The following ATIC variants were observed in gnomAD, a reference collection of about 807,000 sequenced individuals.
The protein encoded by ATIC is 5-aminoimidazole-4-carboxamide ribonucleotide formyltransferase/IMP cyclohydrolase, also known as bifunctional purine biosynthesis protein ATIC.
In ATIC, 64 loss-of-function variants were observed where a neutral mutation model predicts 72.5. That is an observed-to-expected ratio of 0.88 (90% CI 0.72 to 1.09). ATIC has a LOEUF of 1.09. ATIC is among the 50% of genes least tolerant of loss of function. The pLI, the probability that ATIC is intolerant of heterozygous loss-of-function variation, is 0.00. For synonymous variants in ATIC, 281 were observed against 267.1 expected (o/e 1.05, Z -0.51); for missense variants, 787 against 732.4 (o/e 1.07, Z -0.86).
intron 1 of ATIC, 89 bp from the exon 2 acceptor site, chr2:215,312,409 G>A (rs894587960): frequency 3.7e-6 from 6 of 1,607,470 alleles, no homozygotes; most frequent in Non-Finnish European, 5.1e-6. Flanking sequence ...CTTGCGATTC[G>A]AGAATCTCCT....
In ATIC at chr2:215,321,239, G is replaced by T. The variant is rs114313573; in HGVS notation, c.290+1508G>T. On this transcript the variant is annotated intron_variant, in intron 4 of 15. Transcript: ENST00000236959. ...TATAAATAGAATCTAACAATATATG[G>T]TTTTTTTGTTCCTGGCTTCTTTCAC... is the stretch of plus-strand genomic sequence containing the variant. Among the ~76,000 whole-genome samples, 135 of 152,184 alleles carry T rather than the reference G, an allele frequency of 8.9e-4. 1 individual carries two copies. The highest frequency in any genetic ancestry group is 3.1e-3 in the African/African-American group (130 of 41,526).
chr2:215,324,184 A>C (rs994611039), intron 4 of ATIC, among the ~76,000 whole-genome samples: 1 of 152,352 alleles, frequency 6.6e-6, no homozygotes, highest in East Asian at 1.9e-4. Flanking sequence ...GGCATGAGCC[A>C]CTGCGCCTGG....
At position 215,318,239 on chromosome 2, in the gene ATIC, T is replaced by C; in HGVS notation, c.223+6T>C. ...GCATCCTGCAGTCCATGCTGGTAAG[T>C]GGTTGGTATCTTTAATGTAAAAACA... On this transcript the variant is annotated splice_donor_region_variant and intron_variant, in intron 3 of 15. Coordinates refer to ENST00000236959, the MANE Select transcript of ATIC (RefSeq NM_004044.7). 1 of 1,612,016 alleles carries C rather than the reference T, an allele frequency of 6.2e-7. No homozygotes were observed. The highest frequency in any genetic ancestry group is 8.5e-7 in the Non-Finnish European group (1 of 1,178,088).
chr2:215,327,679 G>A (rs1429465327), intron 7 of ATIC, among the ~76,000 whole-genome samples: 1 of 152,150 alleles, frequency 6.6e-6, no homozygotes, highest in Non-Finnish European at 1.5e-5. Flanking sequence ...GGAATCCCAA[G>A]CACTACCGGT....
chr2:215,362,105 A>C, the ATIC span: 1 of 1,551,586 alleles, frequency 6.4e-7, no homozygotes, highest in Non-Finnish European at 8.9e-7. Flanking sequence ...CATGAAGTCA[A>C]ATGGGGTTTA....
intron 12 of ATIC, among the ~76,000 whole-genome samples, chr2:215,342,606 A>C (rs1199328073): frequency 2.0e-5 from 3 of 152,086 alleles, no homozygotes; most frequent in Non-Finnish European, 2.9e-5. Flanking sequence ...GGCAACCACA[A>C]ATCTGTTTTT....
At chr2:215,345,319 C>G in intron 13 of ATIC, 2 of 235,078 alleles carry the variant, frequency 8.5e-6, no homozygotes, top group South Asian at 1.1e-4. Context: ...GACTGCTAGA[C>G]TAGGAGTTAA....
At position 215,333,296 on chromosome 2, in the gene ATIC, G is replaced by A. The variant is rs113644379; in HGVS notation, c.815-54G>A. Reference sequence around the variant, plus strand: ...AGAAAACTGTCTTGATTTAGGAGTTGACAGGTAGTAACTTTAGCTTTCTTT... The same window carrying A: ...AGAAAACTGTCTTGATTTAGGAGTTAACAGGTAGTAACTTTAGCTTTCTTT... On this transcript the variant is annotated intron_variant, in intron 8 of 15. Transcript: ENST00000236959. 2.0e-4 allele frequency: 299 copies of A among 1,473,624 alleles called. No individual in the cohort carries two copies. In the African/African-American group the frequency reaches 3.7e-3, roughly 18 times the overall value. 91.3% of individuals were successfully genotyped at this position (1,473,624 alleles called of 1,614,324 possible).
chr2:215,312,797 C>T (rs2052668486), intron 2 of ATIC, among the ~76,000 whole-genome samples, 173 bp downstream of exon 2: 1 of 152,168 alleles, frequency 6.6e-6, no homozygotes, highest in African/African-American at 2.4e-5. Context: ...AGAGATTTAG[C>T]AACTTTTAAG....
chr2:215,349,425 G>T, intron 15 of ATIC, 111 bp from the exon 16 acceptor site: 1 of 1,589,112 alleles, frequency 6.3e-7, no homozygotes, highest in Non-Finnish European at 8.6e-7. Context: ...TTGTTATTTT[G>T]CCTTTTTGAC....
chr2:215,327,383 CTGTT>C (rs1282748016), intron 7 of ATIC, among the ~76,000 whole-genome samples: 1 of 152,134 alleles, frequency 6.6e-6, no homozygotes, highest in Non-Finnish European at 1.5e-5. Flanking sequence ...AGAAAAGGGA[CTGTT>C]TGTTTTGCAC....
At chr2:215,326,226 C>A in intron 6 of ATIC, 88 bp downstream of exon 6, 1 of 1,477,380 alleles carries the variant, frequency 6.8e-7, no homozygotes. Context: ...TGGTAGATTG[C>A]ATTACCTACC....
chr2:215,342,011 T>C (rs529242486), intron 12 of ATIC, among the ~76,000 whole-genome samples: 5 of 151,410 alleles, frequency 3.3e-5, no homozygotes, highest in African/African-American at 9.8e-5. Context: ...TGCCAGACGC[T>C]TACTGTCAGA....
chr2:215,356,111 A>G, the ATIC span, among the ~76,000 whole-genome samples: 1 of 152,258 alleles, frequency 6.6e-6, no homozygotes, highest in African/African-American at 2.4e-5. Flanking sequence ...AGATGAGAAC[A>G]ATACTGACGT....
At chr2:215,359,109 C>T in the ATIC span, among the ~76,000 whole-genome samples, 2 of 152,114 alleles carry the variant, frequency 1.3e-5, no homozygotes, top group Non-Finnish European at 2.9e-5. Context: ...GCCTTGAACT[C>T]CCGAGCTCAA....
At chr2:215,341,057 CAGT>C (rs1400977998) in intron 12 of ATIC, among the ~76,000 whole-genome samples, 1 of 152,180 alleles carries the variant, frequency 6.6e-6, no homozygotes, top group Non-Finnish European at 1.5e-5. Context: ...GAGGCCTTTT[CAGT>C]AGAATTGCTG....
At chr2:215,361,328 C>A in the ATIC span, 2 of 559,958 alleles carry the variant, frequency 3.6e-6, no homozygotes, top group Non-Finnish European at 6.4e-6. Flanking sequence ...TTGAATACTT[C>A]GAAGCAGAAC....
At chr2:215,326,297 G>T (rs2052824702) in intron 6 of ATIC, among the ~76,000 whole-genome samples, 159 bp downstream of exon 6, 1 of 152,146 alleles carries the variant, frequency 6.6e-6, no homozygotes, top group Non-Finnish European at 1.5e-5. Context: ...TATTACAGAG[G>T]TGTTCTGTCA....
At position 215,312,148 on chromosome 2, in the gene ATIC, T is replaced by G; in HGVS notation, c.6T>G (p.Ala2=). 10 of 1,524,078 alleles carry G rather than the reference T, an allele frequency of 6.6e-6. No homozygotes were observed. Among genetic ancestry groups the G allele is most frequent in the Non-Finnish European group, 8.8e-6 (10 of 1,142,674 alleles). The allele number at this position is 1,524,078 out of a possible 1,614,324, so 94.4% of individuals were successfully genotyped here. A position where few individuals can be genotyped will look rare whatever the true frequency, so the allele number is the denominator to read the frequency against. ...TGAACCCAGTGCCTGCAGCCATGGCTCCCGGCCAGCTCGGTGAGGCCCTAG... is the reference window on the plus strand; with the variant it reads ...TGAACCCAGTGCCTGCAGCCATGGCGCCCGGCCAGCTCGGTGAGGCCCTAG... M[A]PGQLALFSVS... Residue 2 remains alanine (A), a synonymous_variant, in exon 1 of 16, where the codon GCT becomes GCG. Coordinates refer to ENST00000236959, the MANE Select transcript of ATIC (RefSeq NM_004044.7).
Sources: allele counts gnomAD v4.1 joint callset (sites outside exome capture counted in the v4.1 genomes callset), GRCh38; gene constraint gnomAD v4.1.1; transcripts MANE v1.5; gene names NCBI Gene and HGNC (gene_info 2026-07-23, HGNC 2026-07-21).